The following CFAP20DC variants were observed in gnomAD, a reference collection of about 807,000 sequenced individuals.
CFAP20DC encodes the protein protein CFAP20DC.
A neutral mutation model predicts 101.7 loss-of-function variants in CFAP20DC; 84 were observed. That is an observed-to-expected ratio of 0.83 (90% CI 0.69 to 0.99). The LOEUF is 0.99. CFAP20DC is among the 50% of genes least tolerant of loss of function. The pLI, the probability that CFAP20DC is intolerant of heterozygous loss-of-function variation, is 0.00. For synonymous variants in CFAP20DC, 359 were observed against 351.2 expected (o/e 1.02, Z -0.25); for missense variants, 1,007 against 970.3 (o/e 1.04, Z -0.50).
At chr3:58,887,447 G>A (rs545994013) in intron 6 of CFAP20DC, 4 of 152,274 alleles carry the variant, frequency 2.6e-5, no homozygotes, top group South Asian at 2.1e-4. Context: ...ACCCTATGAC[G>A]AGAATCATGA....
chr3:58,841,579 G>T (rs1338312694), intron 13 of CFAP20DC, among the ~76,000 whole-genome samples: 1 of 152,172 alleles, frequency 6.6e-6, no homozygotes, highest in East Asian at 1.9e-4. Flanking sequence ...AAAGGAAATG[G>T]CTTGATAATT....
At chr3:58,716,662 G>C (rs1405230855), downstream of CFAP20DC, among the ~76,000 whole-genome samples, 1 of 152,126 alleles carries the variant, frequency 6.6e-6, no homozygotes, top group Non-Finnish European at 1.5e-5. Context: ...CTCCTATGGG[G>C]GTCTGCTAAA....
chr3:58,880,523 T>C (rs934728046), intron 7 of CFAP20DC, among the ~76,000 whole-genome samples: 4 of 152,138 alleles, frequency 2.6e-5, no homozygotes, highest in African/African-American at 9.6e-5. Context: ...AAAGGAGAAA[T>C]GTAAAAATAG....
At chr3:58,940,644 A>G (rs2088415911) in intron 4 of CFAP20DC, among the ~76,000 whole-genome samples, 1 of 152,144 alleles carries the variant, frequency 6.6e-6, no homozygotes, top group Admixed American at 6.5e-5. Flanking sequence ...TCATTGATCC[A>G]TTTGTCTATT....
intron 16 of CFAP20DC, among the ~76,000 whole-genome samples, chr3:58,749,485 GT>G (rs2068422915): frequency 1.3e-5 from 2 of 152,154 alleles, no homozygotes; most frequent in Non-Finnish European, 2.9e-5. Context: ...CTCTTTACTA[GT>G]AATTTGGATA....
intron 4 of CFAP20DC, among the ~76,000 whole-genome samples, chr3:58,961,552 C>CA (rs35069063): frequency 4.0e-5 from 6 of 151,632 alleles, no homozygotes; most frequent in Non-Finnish European, 8.8e-5. Context: ...AAGACTGTCT[C>CA]AAAAAAACAA....
At chr3:58,857,758 C>T (rs1225876595) in intron 12 of CFAP20DC, among the ~76,000 whole-genome samples, 1 of 152,036 alleles carries the variant, frequency 6.6e-6, no homozygotes, top group Non-Finnish European at 1.5e-5. Flanking sequence ...GTCAGCTTCT[C>T]ATTTAGAGAA....
At chr3:58,856,325 A>G (rs1245448094) in intron 12 of CFAP20DC, among the ~76,000 whole-genome samples, 1 of 148,564 alleles carries the variant, frequency 6.7e-6, no homozygotes, top group African/African-American at 2.5e-5. Flanking sequence ...TAACTGATGG[A>G]GATACTTATC....
At chr3:58,831,664 A>G in intron 14 of CFAP20DC, 22 bp downstream of exon 14, 1 of 1,608,132 alleles carries the variant, frequency 6.2e-7, no homozygotes, top group Non-Finnish European at 8.5e-7. Context: ...AATGAGAGGA[A>G]GCTGCAAAGC....
At position 58,897,548 on chromosome 3, in the gene CFAP20DC, T is replaced by C. The variant is rs2082768030; in HGVS notation, c.551-12839A>G. Among the ~76,000 whole-genome samples the C allele has an allele frequency of 6.6e-6, 1 of 152,230 alleles. No homozygotes were observed. Among genetic ancestry groups the C allele is most frequent in the Non-Finnish European group, 1.5e-5 (1 of 68,036 alleles). On this transcript the variant is annotated intron_variant, in intron 6 of 16. Coordinates refer to ENST00000482387, the MANE Select transcript of CFAP20DC (RefSeq NM_001394063.1). The surrounding 1 kb of genome is among the most constrained non-coding windows in gnomAD (Gnocchi z 4.4). ...TTCCTTTCCATATTTAGTGCTTCCT[T>C]CAGAAGTGCTTGCAAGGCAAGCCTC...
At chr3:58,898,908 GTTT>G (rs541689992) in intron 6 of CFAP20DC, among the ~76,000 whole-genome samples, 3 of 144,660 alleles carry the variant, frequency 2.1e-5, no homozygotes, top group African/African-American at 7.6e-5. Flanking sequence ...TTTTCTCTTT[GTTT>G]TTTTTTTTAA....
intron 5 of CFAP20DC, among the ~76,000 whole-genome samples, chr3:58,933,160 CAA>C (rs1298225363): frequency 2.0e-5 from 3 of 151,894 alleles, no homozygotes; most frequent in Admixed American, 6.6e-5. Flanking sequence ...CAACAAAGAT[CAA>C]AAGAGACAAA....
intron 14 of CFAP20DC, among the ~76,000 whole-genome samples, chr3:58,819,320 A>T (rs1001424306): frequency 2.8e-4 from 43 of 152,142 alleles, no homozygotes; most frequent in Non-Finnish European, 5.1e-4. Context: ...ATAGAGACAC[A>T]AAAAACCCTT....
chr3:58,967,518 T>C (rs2091649793), intron 4 of CFAP20DC, among the ~76,000 whole-genome samples: 1 of 152,064 alleles, frequency 6.6e-6, no homozygotes, highest in South Asian at 2.1e-4. Flanking sequence ...CTAGACTTCA[T>C]AAAAATTAAA....
chr3:58,734,129 A>ACT (rs369453358), intron 3 of CFAP20DC, among the ~76,000 whole-genome samples: 2 of 148,196 alleles, frequency 1.3e-5, no homozygotes, highest in Non-Finnish European at 3.0e-5. Context: ...ATCCACATTC[A>ACT]CTCTCTCTCT....
At chr3:58,947,832 G>A (rs778388411) in intron 4 of CFAP20DC, among the ~76,000 whole-genome samples, 102 of 152,188 alleles carry the variant, frequency 6.7e-4, no homozygotes, top group Non-Finnish European at 2.5e-4. Flanking sequence ...ATATAAGAAT[G>A]TACTATCAGT....
At chr3:58,960,871 G>A (rs972835315) in intron 4 of CFAP20DC, among the ~76,000 whole-genome samples, 1 of 152,104 alleles carries the variant, frequency 6.6e-6, no homozygotes, top group Non-Finnish European at 1.5e-5. Context: ...ACAGCATTCA[G>A]TCTTTCATTT....
At chr3:58,815,103 A>C (rs1317216048) in intron 14 of CFAP20DC, among the ~76,000 whole-genome samples, 3 of 151,114 alleles carry the variant, frequency 2.0e-5, no homozygotes, top group Non-Finnish European at 4.5e-5. Context: ...CCTGACTTCA[A>C]ACTATACTAC....
intron 13 of CFAP20DC, among the ~76,000 whole-genome samples, chr3:58,839,848 T>C (rs1392210976): frequency 1.3e-5 from 2 of 152,330 alleles, no homozygotes; most frequent in African/African-American, 2.4e-5. Flanking sequence ...AATGGAGATA[T>C]CAAAATGTCT....
Sources: allele counts gnomAD v4.1 joint callset (sites outside exome capture counted in the v4.1 genomes callset), GRCh38; gene constraint gnomAD v4.1.1; non-coding constraint Gnocchi (gnomAD v3.1); transcripts MANE v1.5; gene names NCBI Gene and HGNC (gene_info 2026-07-23, HGNC 2026-07-21).